The following CALD1 variants were observed in gnomAD, a reference collection of about 807,000 sequenced individuals.
CALD1 encodes the protein caldesmon 1.
A neutral mutation model predicts 99.9 loss-of-function variants in CALD1; 33 were observed. That is an observed-to-expected ratio of 0.33 (90% CI 0.25 to 0.44). The LOEUF (loss-of-function observed/expected upper bound fraction) is 0.44, where lower values mean the gene tolerates loss of function less well. Ranked by LOEUF, CALD1 falls within the 20% of genes least tolerant of loss-of-function variation. CALD1 has a pLI of 1.00. For missense variants in CALD1, 861 were observed against 962.1 expected (o/e 0.89, Z 1.39); for synonymous variants, 310 against 325.0 (o/e 0.95, Z 0.50).
chr7:134,734,085 G>T, the CALD1 span, among the ~76,000 whole-genome samples: 1 of 152,024 alleles, frequency 6.6e-6, no homozygotes, highest in African/African-American at 2.4e-5. Context: ...AGGTGAAGCT[G>T]GTCATCACAC....
intron 1 of CALD1, among the ~76,000 whole-genome samples, chr7:134,817,551 C>G (rs1798608604): frequency 6.6e-6 from 1 of 152,152 alleles, no homozygotes; most frequent in Non-Finnish European, 1.5e-5. Context: ...CCTCTAAAAA[C>G]TGTCCCTTTA....
At chr7:134,947,828 G>C in intron 8 of CALD1, 59 bp downstream of exon 8, 1 of 1,561,218 alleles carries the variant, frequency 6.4e-7, no homozygotes, top group Non-Finnish European at 8.6e-7. Context: ...AGTGCCGTGC[G>C]GCTGTTCTTT....
the CALD1 span, among the ~76,000 whole-genome samples, chr7:134,719,939 G>T: frequency 3.4e-3 from 521 of 152,266 alleles, 4 homozygotes; most frequent in African/African-American, 0.012. Flanking sequence ...TTTCTTGTTT[G>T]TATCTCTGTT....
At chr7:134,926,265 T>G (rs574604311) in intron 3 of CALD1, among the ~76,000 whole-genome samples, 4 of 152,330 alleles carry the variant, frequency 2.6e-5, no homozygotes, top group African/African-American at 9.6e-5. Context: ...AATTTAACTC[T>G]AAAATTTAAC....
chr7:134,730,833 A>AG, the CALD1 span, among the ~76,000 whole-genome samples: 2 of 152,210 alleles, frequency 1.3e-5, no homozygotes, highest in East Asian at 3.9e-4. Context: ...CTGGGGGTTG[A>AG]GGGGGAGACA....
intron 1 of CALD1, among the ~76,000 whole-genome samples, chr7:134,797,048 A>G (rs1041658954): frequency 2.0e-5 from 3 of 152,032 alleles, no homozygotes; most frequent in Admixed American, 6.6e-5. Context: ...TTTTTGAGAA[A>G]AAGCCTTGCT....
chr7:134,825,472 C>T (rs983585582), intron 1 of CALD1, among the ~76,000 whole-genome samples: 1 of 151,892 alleles, frequency 6.6e-6, no homozygotes, highest in South Asian at 2.1e-4. Flanking sequence ...AATATCTAAG[C>T]ATTAAAGAGG....
rs1363425234 is a variant in CALD1, at chr7:134,947,560, C to G, written c.1585C>G (p.Gln529Glu). Residue 529 changes from glutamine (Q) to glutamate (E), a missense_variant, in exon 8 of 15, where the codon CAG becomes GAG. Coordinates refer to ENST00000361675, the MANE Select transcript of CALD1 (RefSeq NM_033138.4). The part of the protein sequence containing the change: ...VDTKEAEGAP[Q>E]VEAGKRLEEL... ...CACCAAGGAGGCTGAGGGCGCCCCC[C>G]AGGTGGAAGCCGGCAAAAGGCTGGA... The G allele has an allele frequency of 1.3e-6, 2 of 1,562,858 alleles. No homozygotes were observed. The highest frequency in any genetic ancestry group is 2.4e-5 in the East Asian group (1 of 41,640).
rs1799198767 is a variant in CALD1, at chr7:134,831,079, C to T, written c.-129-12805C>T. Among the ~76,000 whole-genome samples, 2 of 152,096 alleles carry T rather than the reference C, an allele frequency of 1.3e-5. 1 individual carries two copies. The highest frequency in any genetic ancestry group is 4.2e-4 in the South Asian group (2 of 4,818). Reference sequence around the variant, plus strand: ...TATAATAGCCCAAACCTGAAATACTCTCAGTGTCCAGTGATAAGGGAATGA... The same window carrying T: ...TATAATAGCCCAAACCTGAAATACTTTCAGTGTCCAGTGATAAGGGAATGA... On this transcript the variant is annotated intron_variant, in intron 1 of 14. Coordinates refer to ENST00000361675, the MANE Select transcript of CALD1 (RefSeq NM_033138.4).
At chr7:134,723,875 T>C in the CALD1 span, among the ~76,000 whole-genome samples, 438 of 152,332 alleles carry the variant, frequency 2.9e-3, 4 homozygotes, top group South Asian at 0.023. Context: ...GGGGATTCTC[T>C]TGGCTTTAGA....
intron 1 of CALD1, among the ~76,000 whole-genome samples, chr7:134,808,986 G>A (rs1376536442): frequency 2.0e-5 from 3 of 152,184 alleles, no homozygotes; most frequent in African/African-American, 7.2e-5. Context: ...AATATTTTAG[G>A]ATGAAAATAA....
chr7:134,794,502 A>G (rs573761593), intron 1 of CALD1, among the ~76,000 whole-genome samples: 24 of 152,212 alleles, frequency 1.6e-4, no homozygotes, highest in African/African-American at 5.5e-4. Flanking sequence ...GTTGTTGTCA[A>G]TTGAAACAGA....
intron 1 of CALD1, among the ~76,000 whole-genome samples, chr7:134,798,060 A>C (rs1354886889): frequency 6.6e-6 from 1 of 152,222 alleles, no homozygotes; most frequent in Non-Finnish European, 1.5e-5. Flanking sequence ...ATATTGATGC[A>C]TTATTATTAA....
chr7:134,794,072 C>A lies in CALD1; in HGVS notation c.-130+14323C>A, dbSNP rs558163540. On this transcript the variant is annotated intron_variant, in intron 1 of 14. Coordinates refer to ENST00000361675, the MANE Select transcript of CALD1 (RefSeq NM_033138.4). ...TGATACATGCAGGACATAGTCCCTG[C>A]ATTTCTGAAACAAATCAAGGCACAG... 7.9e-5 allele frequency among the ~76,000 whole-genome samples: 12 copies of A among 152,284 alleles called. No individual in the cohort carries two copies. In the South Asian group the frequency reaches 2.1e-3, roughly 26 times the overall value.
At chr7:134,746,990 T>C (rs1796640095) in intron 1 of CALD1, among the ~76,000 whole-genome samples, 1 of 151,956 alleles carries the variant, frequency 6.6e-6, no homozygotes, top group Non-Finnish European at 1.5e-5. Context: ...AAAGATGGAA[T>C]TGTTAATTAA....
At chr7:134,927,089 C>T (rs1028337037) in intron 3 of CALD1, among the ~76,000 whole-genome samples, 8 of 152,164 alleles carry the variant, frequency 5.3e-5, no homozygotes, top group African/African-American at 1.9e-4. Flanking sequence ...AACCCATTGA[C>T]CCATCAAGCC....
At chr7:134,746,807 G>A (rs931870093) in intron 1 of CALD1, among the ~76,000 whole-genome samples, 1 of 152,222 alleles carries the variant, frequency 6.6e-6, no homozygotes, top group Admixed American at 6.5e-5. Flanking sequence ...TATTTTTAAA[G>A]TGGCAAAGAA....
At chr7:134,752,996 C>T (rs954158480) in intron 1 of CALD1, among the ~76,000 whole-genome samples, 5 of 123,848 alleles carry the variant, frequency 4.0e-5, no homozygotes, top group African/African-American at 6.5e-5. Context: ...GGCAACAGAA[C>T]GAGACTCTGT....
At chr7:134,718,654 G>C in the CALD1 span, among the ~76,000 whole-genome samples, 1 of 152,108 alleles carries the variant, frequency 6.6e-6, no homozygotes, top group East Asian at 1.9e-4. Context: ...GGCCTCAGCT[G>C]TTTTAAAATT....
Sources: gnomAD v4.1 joint callset for allele counts (sites outside exome capture counted in the v4.1 genomes callset) on GRCh38, gnomAD v4.1.1 for gene constraint, MANE v1.5 for transcripts, NCBI Gene and HGNC (gene_info 2026-07-23, HGNC 2026-07-21) for gene names.